Variants in UBE2QL1 observed in about 807,000 individuals in gnomAD.
UBE2QL1 encodes ubiquitin-conjugating enzyme E2Q-like protein 1.
UBE2QL1 carries 5 observed loss-of-function variants against 12.6 expected under a neutral mutation model. That is an observed-to-expected ratio of 0.40 (90% CI 0.21 to 0.83). The LOEUF (loss-of-function observed/expected upper bound fraction) is 0.83, where lower values mean the gene tolerates loss of function less well. Ranked by LOEUF, UBE2QL1 falls within the 40% of genes least tolerant of loss-of-function variation. The pLI is 0.37. For synonymous variants in UBE2QL1, 96 were observed against 94.5 expected (o/e 1.02, Z -0.10); for missense variants, 99 against 222.6 (o/e 0.44, Z 3.53).
intron 1 of UBE2QL1, among the ~76,000 whole-genome samples, chr5:6,452,287 T>C (rs1739426266): frequency 6.6e-6 from 1 of 152,258 alleles, no homozygotes; most frequent in South Asian, 2.1e-4. Flanking sequence ...CTCTCTGGCC[T>C]GTGTTACCAA....
intron 1 of UBE2QL1, among the ~76,000 whole-genome samples, chr5:6,449,868 A>ACCCCCCCCCCCCCCC (rs5865654): frequency 2.6e-5 from 3 of 117,118 alleles, no homozygotes; most frequent in Admixed American, 8.3e-5. Context: ...CACCTCCCCA[A>ACCCCCCCCCCCCCCC]CCCCCCCCAC....
chr5:6,474,202 C>T (rs1734163991), intron 1 of UBE2QL1, among the ~76,000 whole-genome samples: 1 of 152,228 alleles, frequency 6.6e-6, no homozygotes, highest in Admixed American at 6.5e-5. Flanking sequence ...GTGTAGTGTA[C>T]AGCCTGAGGG....
intron 1 of UBE2QL1, among the ~76,000 whole-genome samples, chr5:6,450,097 C>G (rs1446387873): frequency 6.7e-6 from 1 of 150,034 alleles, no homozygotes; most frequent in Non-Finnish European, 1.5e-5. Flanking sequence ...CCCCCCCCCC[C>G]CACGGCAATG....
chr5:6,472,138 G>T (rs572961483), intron 1 of UBE2QL1, among the ~76,000 whole-genome samples: 2 of 152,176 alleles, frequency 1.3e-5, no homozygotes, highest in Non-Finnish European at 2.9e-5. Context: ...ACTTGGGCTG[G>T]TGGGCCGGCT....
chr5:6,491,352 T>G lies in UBE2QL1; in HGVS notation c.*3T>G, dbSNP rs764234058. On this transcript the variant is annotated 3_prime_UTR_variant, in exon 2 of 2. Transcript: ENST00000399816. ...CCCCGCCCGTGTCCGACGGCTGATG[T>G]CTGCCACGTGCAGTAGACGCTCGAG... 1.9e-5 allele frequency: 29 copies of G among 1,549,180 alleles called. No homozygotes were observed. The East Asian group carries it at 6.8e-4, about 37-fold the overall frequency.
chr5:6,450,828 T>C (rs28670049), intron 1 of UBE2QL1, among the ~76,000 whole-genome samples: 35,065 of 152,182 alleles, frequency 0.23, 4,609 homozygotes, highest in Middle Eastern at 0.3. Flanking sequence ...TAGAAAAACA[T>C]CTTCAGCTGA....
intron 1 of UBE2QL1, among the ~76,000 whole-genome samples, chr5:6,465,424 G>A (rs550627826): frequency 2.0e-4 from 31 of 152,232 alleles, no homozygotes; most frequent in Admixed American, 1.7e-3. Flanking sequence ...GCCAAGTGAA[G>A]TGGCAGACAG....
intron 1 of UBE2QL1, among the ~76,000 whole-genome samples, chr5:6,454,455 C>T (rs1157606419): frequency 6.6e-6 from 1 of 152,132 alleles, no homozygotes; most frequent in Non-Finnish European, 1.5e-5. Context: ...TCTTAAAAAC[C>T]CTGTCTCCAA....
In UBE2QL1 at chr5:6,491,291, G is replaced by A. The variant is rs1734564202; in HGVS notation, c.428G>A (p.Ser143Asn). 1.3e-6 allele frequency: 2 copies of A among 1,551,518 alleles called. No individual in the cohort carries two copies. The highest frequency in any genetic ancestry group is 2.7e-5 in the African/African-American group (2 of 73,056). The change falls in exon 2 of 2, where the codon AGT (serine) becomes AAT (asparagine). Residue 143 changes from serine (S) to asparagine (N), a missense_variant. Coordinates refer to ENST00000399816, the MANE Select transcript of UBE2QL1 (RefSeq NM_001145161.3). ...SRKEAEATFK[S>N]LVKTHEKYGW... ...AAGGAAGCTGAAGCTACCTTTAAGA[G>A]TTTGGTGAAGACGCATGAAAAATAT...
intron 1 of UBE2QL1, among the ~76,000 whole-genome samples, chr5:6,483,251 C>T (rs1235412621): frequency 6.6e-6 from 1 of 152,070 alleles, no homozygotes; most frequent in African/African-American, 2.4e-5. Flanking sequence ...ACCTGGCCAA[C>T]ATGGTGAAAC....
Position 6,481,215 on chromosome 5 carries a change from C to T in UBE2QL1, c.355-10003C>T, listed in dbSNP as rs1188442929. Among the ~76,000 whole-genome samples the T allele has an allele frequency of 6.6e-6, 1 of 152,186 alleles. No individual in the cohort carries two copies. The highest frequency in any genetic ancestry group is 1.5e-5 in the Non-Finnish European group (1 of 68,040). ...CTAGATTTCCTGCTTCTCCTCTTGA[C>T]TGTCCCCAGCCAAACACACCCATCC... is the stretch of plus-strand genomic sequence containing the variant. On this transcript the variant is annotated intron_variant, in intron 1 of 1. Coordinates refer to ENST00000399816, the MANE Select transcript of UBE2QL1 (RefSeq NM_001145161.3). The surrounding 1 kb of genome is among the most constrained non-coding windows in gnomAD (Gnocchi z 4.5).
At position 6,491,511 on chromosome 5, in the gene UBE2QL1, C is replaced by A; in HGVS notation, c.*162C>A. On this transcript the variant is annotated 3_prime_UTR_variant, in exon 2 of 2. Coordinates refer to ENST00000399816, the MANE Select transcript of UBE2QL1 (RefSeq NM_001145161.3). Reference sequence around the variant, plus strand: ...AGTTATTTATGAAAAGATGTGTGTACAGAGAGGAAGAGGGAGCAAATGCCG... The same window carrying A: ...AGTTATTTATGAAAAGATGTGTGTAAAGAGAGGAAGAGGGAGCAAATGCCG... 1.0e-6 allele frequency: 1 copy of A among 974,700 alleles called. No homozygotes were observed. Among genetic ancestry groups the A allele is most frequent in the Non-Finnish European group, 1.4e-6 (1 of 705,392 alleles). The allele number at this position is 974,700 out of a possible 1,614,324, so 60.4% of individuals were successfully genotyped here. A position where few individuals can be genotyped will look rare whatever the true frequency, so the allele number is the denominator to read the frequency against.
chr5:6,488,794 ACT>A (rs1734512332), intron 1 of UBE2QL1, among the ~76,000 whole-genome samples: 1 of 132,892 alleles, frequency 7.5e-6, no homozygotes, highest in African/African-American at 3.3e-5. Flanking sequence ...ACAGAGTGAG[ACT>A]CTGTCTCAAG....
chr5:6,450,993 A>C (rs1579284186), intron 1 of UBE2QL1, among the ~76,000 whole-genome samples: 1 of 152,214 alleles, frequency 6.6e-6, no homozygotes, highest in East Asian at 1.9e-4. Context: ...AAGTGGAAGA[A>C]TTCTTTGCAG....
At chr5:6,487,114 A>G (rs1364547700) in intron 1 of UBE2QL1, among the ~76,000 whole-genome samples, 1 of 152,246 alleles carries the variant, frequency 6.6e-6, no homozygotes, top group African/African-American at 2.4e-5. Flanking sequence ...AAATGAATGA[A>G]TGAGAAGCAT....
At position 6,492,684 on chromosome 5, in the gene UBE2QL1, A is replaced by G. The variant is rs1478304225; in HGVS notation, c.*1335A>G. 6.6e-6 allele frequency: 1 copy of G among 152,244 alleles called. No individual in the cohort carries two copies. The highest frequency in any genetic ancestry group is 2.4e-5 in the African/African-American group (1 of 41,458). The allele number at this position is 152,244 out of a possible 1,614,324, so 9.4% of individuals were successfully genotyped here. A position where few individuals can be genotyped will look rare whatever the true frequency, so the allele number is the denominator to read the frequency against. On this transcript the variant is annotated 3_prime_UTR_variant, in exon 2 of 2. Coordinates refer to ENST00000399816, the MANE Select transcript of UBE2QL1 (RefSeq NM_001145161.3). The stretch of plus-strand genomic sequence containing the variant: ...AAATTTTTTAAATATTGCAAATACT[A>G]CAACATGTAATTCCAGAGCAGCGTT...
intron 1 of UBE2QL1, among the ~76,000 whole-genome samples, chr5:6,470,081 G>A (rs959631222): frequency 2.6e-5 from 4 of 152,250 alleles, no homozygotes; most frequent in African/African-American, 9.6e-5. Context: ...AACACTGAAC[G>A]CAGAGCTCCT....
At chr5:6,472,564 C>T (rs1739937308) in intron 1 of UBE2QL1, among the ~76,000 whole-genome samples, 1 of 152,172 alleles carries the variant, frequency 6.6e-6, no homozygotes, top group Admixed American at 6.5e-5. Context: ...TACTTGTCAG[C>T]CATTCAGGTC....
chr5:6,464,674 C>G (rs1020906632), intron 1 of UBE2QL1, among the ~76,000 whole-genome samples: 1 of 152,212 alleles, frequency 6.6e-6, no homozygotes, highest in Non-Finnish European at 1.5e-5. Flanking sequence ...CAGGGAGGGC[C>G]GTGTCTGCCT....
Sources: allele counts gnomAD v4.1 joint callset (sites outside exome capture counted in the v4.1 genomes callset), GRCh38; gene constraint gnomAD v4.1.1; non-coding constraint Gnocchi (gnomAD v3.1); transcripts MANE v1.5; gene names NCBI Gene and HGNC (gene_info 2026-07-23, HGNC 2026-07-21).